Variants in SH2D4A observed in about 807,000 individuals in gnomAD.
The protein encoded by SH2D4A is SH2 domain containing 4A, also known as SH2 domain-containing protein 4A.
Under a neutral mutation model 64.7 loss-of-function variants are expected in SH2D4A, and 70 were observed. That is an observed-to-expected ratio of 1.08 (90% CI 0.89 to 1.32). The LOEUF is 1.32. Among genes scored for constraint, SH2D4A ranks in the 40% most tolerant of loss-of-function variants. The pLI, the probability that SH2D4A is intolerant of heterozygous loss-of-function variation, is 0.00. For synonymous variants in SH2D4A, 268 were observed against 200.7 expected (o/e 1.34, Z -2.83); for missense variants, 706 against 540.1 (o/e 1.31, Z -3.04).
In SH2D4A at chr8:19,323,635, C is replaced by G. The variant is rs548919524; in HGVS notation, c.181+3907C>G. Among the ~76,000 whole-genome samples, 336 of 152,266 alleles carry G rather than the reference C, an allele frequency of 2.2e-3. 5 individuals carry two copies. Among genetic ancestry groups the G allele is most frequent in the African/African-American group, 7.0e-3 (292 of 41,542 alleles). The stretch of plus-strand genomic sequence containing the variant: ...ACCTTAGGTGATCCACCTGCCTCGG[C>G]CTTCCGAAGGGCTGGGATTACAGGT... On this transcript the variant is annotated intron_variant, in intron 2 of 9. Coordinates refer to ENST00000265807, the MANE Select transcript of SH2D4A (RefSeq NM_022071.4).
chr8:19,391,129 C>A (rs539586393), intron 8 of SH2D4A, among the ~76,000 whole-genome samples: 2 of 152,116 alleles, frequency 1.3e-5, no homozygotes, highest in Non-Finnish European at 2.9e-5. Context: ...CCCTGGGTTT[C>A]GGAGTCAGTC....
chr8:19,351,009 G>T (rs981535130), intron 4 of SH2D4A, among the ~76,000 whole-genome samples: 1 of 152,054 alleles, frequency 6.6e-6, no homozygotes, highest in African/African-American at 2.4e-5. Flanking sequence ...TTACTGTCCC[G>T]CTTTTTGTCT....
intron 7 of SH2D4A, among the ~76,000 whole-genome samples, chr8:19,369,982 G>C (rs2053067050): frequency 6.6e-6 from 1 of 151,946 alleles, no homozygotes; most frequent in Non-Finnish European, 1.5e-5. Flanking sequence ...TGCTTTTGCT[G>C]TATCCCATAG....
intron 8 of SH2D4A, among the ~76,000 whole-genome samples, chr8:19,385,063 C>T (rs771517090): frequency 7.2e-5 from 11 of 152,128 alleles, no homozygotes; most frequent in Non-Finnish European, 1.6e-4. Context: ...TGATTTGTTT[C>T]TTGTGGCTGT....
At chr8:19,390,616 A>C (rs1354882947) in intron 8 of SH2D4A, among the ~76,000 whole-genome samples, 1 of 152,202 alleles carries the variant, frequency 6.6e-6, no homozygotes, top group Non-Finnish European at 1.5e-5. Context: ...TAATCCTCTT[A>C]CAAAGCAAAA....
chr8:19,351,646 C>G (rs1490431070), intron 4 of SH2D4A, among the ~76,000 whole-genome samples: 1 of 151,820 alleles, frequency 6.6e-6, no homozygotes, highest in Non-Finnish European at 1.5e-5. Flanking sequence ...CAAAAATAAA[C>G]TCTTGATTTT....
intron 6 of SH2D4A, among the ~76,000 whole-genome samples, chr8:19,362,832 A>G (rs1291163842): frequency 1.3e-5 from 2 of 152,208 alleles, no homozygotes; most frequent in African/African-American, 4.8e-5. Context: ...TGGGTTGCAT[A>G]CATTTTTAAA....
intron 5 of SH2D4A, among the ~76,000 whole-genome samples, chr8:19,357,947 G>A (rs1276982154): frequency 3.3e-5 from 5 of 152,228 alleles, no homozygotes; most frequent in Admixed American, 2.6e-4. Context: ...GGGCTGTGGT[G>A]GAGGTCAGGC....
At chr8:19,383,514 A>T (rs2053335028) in intron 8 of SH2D4A, among the ~76,000 whole-genome samples, 1 of 151,640 alleles carries the variant, frequency 6.6e-6, no homozygotes, top group Non-Finnish European at 1.5e-5. Flanking sequence ...TTTCCTTTGA[A>T]TGGGCCATAT....
chr8:19,389,930 C>T (rs2053460650), intron 8 of SH2D4A, among the ~76,000 whole-genome samples: 1 of 152,124 alleles, frequency 6.6e-6, no homozygotes, highest in South Asian at 2.1e-4. Context: ...CCTATGACAT[C>T]AGGTTTGGTT....
intron 7 of SH2D4A, among the ~76,000 whole-genome samples, chr8:19,373,206 T>C (rs2053133113): frequency 6.6e-6 from 1 of 151,990 alleles, no homozygotes; most frequent in African/African-American, 2.4e-5. Flanking sequence ...CTTCCTCTTC[T>C]GCCCTTGAGG....
intron 5 of SH2D4A, among the ~76,000 whole-genome samples, chr8:19,358,916 G>C (rs767332143): frequency 3.3e-5 from 5 of 152,116 alleles, no homozygotes; most frequent in African/African-American, 4.8e-5. Flanking sequence ...TCCACCCTGG[G>C]CATCTGGATT....
intron 8 of SH2D4A, among the ~76,000 whole-genome samples, chr8:19,377,314 G>A (rs1449848557): frequency 2.0e-5 from 3 of 152,146 alleles, no homozygotes; most frequent in African/African-American, 4.8e-5. Context: ...CGCAGGAGGC[G>A]GAGCTGGCAG....
Position 19,320,124 on chromosome 8 carries a change from G to A in SH2D4A, c.181+396G>A, listed in dbSNP as rs559283495. ...ATAGCAATTGTGTTTGCATTTCTTA[G>A]ACCTCAGAGATTTTTCTTTGAGGTA... On this transcript the variant is annotated intron_variant, in intron 2 of 9. Transcript: ENST00000265807. 2.0e-5 allele frequency among the ~76,000 whole-genome samples: 3 copies of A among 152,216 alleles called. No individual in the cohort carries two copies. In the South Asian group the frequency reaches 6.2e-4, roughly 32 times the overall value.
At position 19,362,556 on chromosome 8, in the gene SH2D4A, A is replaced by G. The variant is rs2052909413; in HGVS notation, c.706+1242A>G. Among the ~76,000 whole-genome samples the G allele has an allele frequency of 2.6e-5, 4 of 152,286 alleles. No individual in the cohort carries two copies. In the South Asian group the frequency reaches 8.3e-4, roughly 32 times the overall value. On this transcript the variant is annotated intron_variant, in intron 6 of 9. Coordinates refer to ENST00000265807, the MANE Select transcript of SH2D4A (RefSeq NM_022071.4). Reference sequence around the variant, plus strand: ...TGAGTTCAAGACCAGCCTGGCCAACATGGTGAAACTCCATCTCTACTAAAA... The same window carrying G: ...TGAGTTCAAGACCAGCCTGGCCAACGTGGTGAAACTCCATCTCTACTAAAA...
intron 2 of SH2D4A, among the ~76,000 whole-genome samples, chr8:19,324,354 G>A (rs190898940): frequency 1.5e-4 from 23 of 152,278 alleles, no homozygotes; most frequent in African/African-American, 2.9e-4. Flanking sequence ...TTTTTGCTGC[G>A]TTCTCATTGT....
intron 4 of SH2D4A, among the ~76,000 whole-genome samples, chr8:19,344,038 G>A (rs1293198616): frequency 1.3e-5 from 2 of 152,186 alleles, no homozygotes; most frequent in African/African-American, 4.8e-5. Flanking sequence ...ATGGGGTAAA[G>A]TGCTTTGTCT....
intron 2 of SH2D4A, among the ~76,000 whole-genome samples, chr8:19,326,701 C>T (rs1223742591): frequency 6.6e-6 from 1 of 151,862 alleles, no homozygotes; most frequent in Non-Finnish European, 1.5e-5. Context: ...GCATGTGTGC[C>T]TGCCTCTCCC....
At chr8:19,385,350 C>G (rs1347828299) in intron 8 of SH2D4A, among the ~76,000 whole-genome samples, 3 of 151,986 alleles carry the variant, frequency 2.0e-5, no homozygotes, top group East Asian at 3.9e-4. Flanking sequence ...GTTGGAATTA[C>G]AAGGCATGGG....
Sources: gnomAD v4.1 joint callset for allele counts (sites outside exome capture counted in the v4.1 genomes callset) on GRCh38, gnomAD v4.1.1 for gene constraint, MANE v1.5 for transcripts, NCBI Gene and HGNC (gene_info 2026-07-23, HGNC 2026-07-21) for gene names.